Variants in AJAP1 observed in about 807,000 individuals in gnomAD.
The protein encoded by AJAP1 is adherens junctions associated protein 1.
Under a neutral mutation model 35.0 loss-of-function variants are expected in AJAP1, and 5 were observed. The observed-to-expected ratio is 0.14, with a 90% CI of 0.07 to 0.30. The LOEUF (loss-of-function observed/expected upper bound fraction) is 0.30, where lower values mean the gene tolerates loss of function less well. Ranked by LOEUF, AJAP1 falls within the 10% of genes least tolerant of loss-of-function variation. AJAP1 has a pLI of 1.00. For missense variants in AJAP1, 586 were observed against 571.0 expected (o/e 1.03, Z -0.27); for synonymous variants, 284 against 249.3 (o/e 1.14, Z -1.31).
At chr1:4,663,144 TA>T (rs1279619503) in intron 1 of AJAP1, among the ~76,000 whole-genome samples, 2 of 152,186 alleles carry the variant, frequency 1.3e-5, no homozygotes, top group African/African-American at 4.8e-5. Flanking sequence ...TTATTTTATT[TA>T]TTTTTTTATA....
chr1:4,766,046 A>G (rs1286196516), intron 2 of AJAP1, among the ~76,000 whole-genome samples: 2 of 152,220 alleles, frequency 1.3e-5, no homozygotes, highest in African/African-American at 2.4e-5. Flanking sequence ...ATCCAAAACT[A>G]AGAATATGCT....
rs548313552 is a variant in AJAP1 at position 4,785,662 on chromosome 1, G to C, written c.*3177G>C. The C allele has an allele frequency of 6.6e-6, 1 of 152,324 alleles. No homozygotes were observed. The highest frequency in any genetic ancestry group is 1.5e-5 in the Non-Finnish European group (1 of 68,062). 9.4% of individuals were successfully genotyped at this position (152,324 alleles called of 1,614,324 possible). A position where few individuals can be genotyped will look rare whatever the true frequency, so the allele number is the denominator to read the frequency against. ...CTGCAGCCTTGGGGCAGTGTTTCAA[G>C]CTAGTTGGTGTCCTCTTTCCTCTGC... On this transcript the variant is annotated 3_prime_UTR_variant, in exon 6 of 6. Transcript: ENST00000378191.
chr1:4,657,536 A>G, intron 1 of AJAP1, among the ~76,000 whole-genome samples: 1 of 152,176 alleles, frequency 6.6e-6, no homozygotes, highest in East Asian at 1.9e-4. Flanking sequence ...TTTTCTTTCA[A>G]GACAGCCCTT....
chr1:4,756,586 C>T (rs1641437858), intron 2 of AJAP1, among the ~76,000 whole-genome samples: 1 of 152,218 alleles, frequency 6.6e-6, no homozygotes, highest in African/African-American at 2.4e-5. Flanking sequence ...GAACCCAAGA[C>T]AGAGAGGCTC....
chr1:4,706,671 G>C (rs868812202), intron 1 of AJAP1, among the ~76,000 whole-genome samples: 6 of 152,192 alleles, frequency 3.9e-5, no homozygotes, highest in African/African-American at 1.2e-4. Context: ...CTGCTCCCAG[G>C]AGGCTCACGC....
chr1:4,704,261 CTCA>C (rs1293362421), intron 1 of AJAP1, among the ~76,000 whole-genome samples: 1 of 149,790 alleles, frequency 6.7e-6, no homozygotes, highest in Non-Finnish European at 1.5e-5. Flanking sequence ...CACCCATTAA[CTCA>C]TCATTTAGCA....
Position 4,714,771 on chromosome 1 carries a change from G to A in AJAP1, c.829+2072G>A, listed in dbSNP as rs188566415. On this transcript the variant is annotated intron_variant, in intron 2 of 5. Transcript: ENST00000378191. ...CTGGGCCACAGGGAAGGGAACAGGT[G>A]GTTTACAGCAGCGCTCATCAGGGCT... 3.4e-4 allele frequency among the ~76,000 whole-genome samples: 52 copies of A among 152,324 alleles called. 1 individual carries two copies. The Middle Eastern group carries it at 0.017, about 50-fold the overall frequency.
At chr1:4,755,820 T>G (rs1641416999) in intron 2 of AJAP1, among the ~76,000 whole-genome samples, 1 of 129,722 alleles carries the variant, frequency 7.7e-6, no homozygotes, top group African/African-American at 2.9e-5. Context: ...GGCGGGGTGG[T>G]GGGGGGATTA....
chr1:4,654,615 G>T lies in AJAP1; in HGVS notation c.-811G>T. On this transcript the variant is annotated 5_prime_UTR_variant, in exon 1 of 6. Coordinates refer to ENST00000378191, the MANE Select transcript of AJAP1 (RefSeq NM_018836.4). The surrounding 1 kb of genome is among the most constrained non-coding windows in gnomAD (Gnocchi z 5.1). ...GGCGAGCGCGCGGAGAGGCAGACGCGAGGAGGGAGGCGGCTGAGCAGCGCG... is the reference window on the plus strand; with the variant it reads ...GGCGAGCGCGCGGAGAGGCAGACGCTAGGAGGGAGGCGGCTGAGCAGCGCG... The T allele has an allele frequency of 6.6e-6, 1 of 151,550 alleles. No homozygotes were observed. Among genetic ancestry groups the T allele is most frequent in the South Asian group, 1.8e-4 (1 of 5,588 alleles). The allele number at this position is 151,550 out of a possible 1,614,324, so 9.4% of individuals were successfully genotyped here. A position where few individuals can be genotyped will look rare whatever the true frequency, so the allele number is the denominator to read the frequency against.
intron 1 of AJAP1, among the ~76,000 whole-genome samples, chr1:4,662,683 C>T (rs542712418): frequency 5.3e-5 from 8 of 152,300 alleles, no homozygotes; most frequent in East Asian, 1.9e-4. Context: ...CCGGGCTAGG[C>T]GCCCGTGGTC....
At chr1:4,663,822 GA>G (rs1228703435) in intron 1 of AJAP1, among the ~76,000 whole-genome samples, 1 of 152,162 alleles carries the variant, frequency 6.6e-6, no homozygotes, top group Non-Finnish European at 1.5e-5. Flanking sequence ...TTTAGAGAGA[GA>G]AAAGTGCCTA....
intron 2 of AJAP1, among the ~76,000 whole-genome samples, chr1:4,735,686 C>T (rs648712): frequency 0.67 from 101,455 of 151,942 alleles, 35,197 homozygotes; most frequent in Middle Eastern, 0.78. Context: ...CTCCCTGCTC[C>T]TCTGCTCCCT....
intron 2 of AJAP1, among the ~76,000 whole-genome samples, chr1:4,735,798 G>A (rs1423022498): frequency 6.6e-6 from 1 of 152,212 alleles, no homozygotes; most frequent in East Asian, 1.9e-4. Flanking sequence ...TCCTGAAAAT[G>A]GGGCACAGCC....
chr1:4,770,418 G>A (rs572310188), intron 3 of AJAP1, among the ~76,000 whole-genome samples: 1 of 152,296 alleles, frequency 6.6e-6, no homozygotes, highest in African/African-American at 2.4e-5. Flanking sequence ...TGCTGAACTA[G>A]GTTACCGCTT....
At chr1:4,689,682 CT>C (rs1639693568) in intron 1 of AJAP1, among the ~76,000 whole-genome samples, 2 of 152,224 alleles carry the variant, frequency 1.3e-5, no homozygotes, top group Admixed American at 6.5e-5. Context: ...TCGGGGTTGA[CT>C]GTTGCTCCCA....
intron 1 of AJAP1, among the ~76,000 whole-genome samples, chr1:4,671,098 G>A (rs1017090894): frequency 2.0e-5 from 3 of 152,220 alleles, no homozygotes; most frequent in Admixed American, 1.3e-4. Context: ...GCCAGGCACG[G>A]TAGCTCATGC....
chr1:4,717,765 GA>G (rs1034880226), intron 2 of AJAP1, among the ~76,000 whole-genome samples: 1 of 152,188 alleles, frequency 6.6e-6, no homozygotes, highest in African/African-American at 2.4e-5. Context: ...TCATGATGGT[GA>G]ACTATTTTCT....
chr1:4,738,231 A>G (rs12757192), intron 2 of AJAP1, among the ~76,000 whole-genome samples: 46 of 152,346 alleles, frequency 3.0e-4, no homozygotes, highest in Non-Finnish European at 5.1e-4. Context: ...TCAACACAAC[A>G]GGGGCCCTGC....
chr1:4,710,234 TCACACACTTCTATGCTGA>T (rs1279896032), intron 1 of AJAP1, among the ~76,000 whole-genome samples: 1 of 151,440 alleles, frequency 6.6e-6, no homozygotes, highest in Non-Finnish European at 1.5e-5. Context: ...ATAGATGCAC[TCACACACTTCTATGCTGA>T]CACACATGGA....
Sources: gnomAD v4.1 joint callset for allele counts (sites outside exome capture counted in the v4.1 genomes callset) on GRCh38, gnomAD v4.1.1 for gene constraint, Gnocchi (gnomAD v3.1) non-coding constraint, MANE v1.5 for transcripts, NCBI Gene and HGNC (gene_info 2026-07-23, HGNC 2026-07-21) for gene names.